IPO13: variants seen among roughly 807,000 people sequenced by gnomAD.
The protein encoded by IPO13 is importin 13.
Under a neutral mutation model 115.5 loss-of-function variants are expected in IPO13, and 28 were observed. The ratio of observed to expected loss-of-function variants is 0.24; its 90% CI spans 0.18 to 0.33. IPO13 has a LOEUF of 0.33. Among genes scored for constraint, IPO13 ranks in the 10% least tolerant of loss-of-function variants. The probability of loss-of-function intolerance (pLI) is 1.00; values close to 1 mark genes in which losing one functional copy is unlikely to be tolerated. For synonymous variants in IPO13, 414 were observed against 478.9 expected (o/e 0.86, Z 1.77); for missense variants, 785 against 1,204.6 (o/e 0.65, Z 5.16).
intron 12 of IPO13, 125 bp from the exon 13 acceptor site, chr1:43,960,751 G>T: frequency 2.4e-6 from 3 of 1,265,758 alleles, no homozygotes; most frequent in Non-Finnish European, 2.2e-6. Flanking sequence ...TACCTTCCTT[G>T]GTTTGCAGGG....
chr1:43,964,372 T>C (rs1418098780), intron 15 of IPO13, 51 bp downstream of exon 15: 1 of 1,408,586 alleles, frequency 7.1e-7, no homozygotes, highest in Non-Finnish European at 9.9e-7. Context: ...TTTCTCTTTC[T>C]CTTATGTTGA....
Position 43,947,496 on chromosome 1 carries a change from C to A in IPO13, c.-105C>A. 1.7e-6 allele frequency: 1 copy of A among 603,054 alleles called. No homozygotes were observed. The highest frequency in any genetic ancestry group is 2.4e-6 in the Non-Finnish European group (1 of 409,834). 37.4% of individuals were successfully genotyped at this position (603,054 alleles called of 1,614,324 possible). ...CCGCCCTGGGCCCCCCCTCACCCCA[C>A]CACTCCCTGGGCACCCAAGCCGGGG... On this transcript the variant is annotated 5_prime_UTR_variant, in exon 1 of 20. Coordinates refer to ENST00000372343, the MANE Select transcript of IPO13 (RefSeq NM_014652.4).
intron 11 of IPO13, among the ~76,000 whole-genome samples, chr1:43,959,612 C>T (rs973355431): frequency 6.6e-6 from 1 of 152,162 alleles, no homozygotes; most frequent in Non-Finnish European, 1.5e-5. Context: ...CCCAGAACTC[C>T]CTCCCAGATT....
At chr1:43,959,089 TCTCA>T in intron 11 of IPO13, among the ~76,000 whole-genome samples, 200 bp downstream of exon 11, 1 of 152,348 alleles carries the variant, frequency 6.6e-6, no homozygotes, top group African/African-American at 2.4e-5. Context: ...AATGTCATTA[TCTCA>T]CTCAGCTCTG....
rs368135294 is a variant in IPO13, at chr1:43,966,709, C to T, written c.2465-15C>T. 3.3e-5 allele frequency: 53 copies of T among 1,614,078 alleles called. No individual in the cohort carries two copies. The African/African-American group carries it at 6.8e-4, about 21-fold the overall frequency. ...GAAGGATCGTTAAACTGATCTGCCT[C>T]TGCCTTTCCCACAGCTGTGCTGGCC... is the stretch of plus-strand genomic sequence containing the variant. On this transcript the variant is annotated splice_polypyrimidine_tract_variant and intron_variant, in intron 16 of 19. Coordinates refer to ENST00000372343, the MANE Select transcript of IPO13 (RefSeq NM_014652.4). This position sits in a 1 kb window ranked among gnomAD's most constrained non-coding sequence, Gnocchi z 4.1.
chr1:43,961,343 C>T, intron 14 of IPO13, 81 bp downstream of exon 14: 6 of 1,045,634 alleles, frequency 5.7e-6, no homozygotes, highest in Non-Finnish European at 9.0e-6. Flanking sequence ...AAGCTGCCCA[C>T]TCTGTTCTTC....
chr1:43,958,445 A>G lies in IPO13; in HGVS notation c.1750-16A>G, dbSNP rs1256284156. The G allele has an allele frequency of 6.2e-7, 1 of 1,613,764 alleles. No homozygotes were observed. ...TAGATGTGGCCAGGACTGACCATCC[A>G]TGTTCTGCCCCACAGACAAGCCAGT... On this transcript the variant is annotated splice_polypyrimidine_tract_variant and intron_variant, in intron 9 of 19. Coordinates refer to ENST00000372343, the MANE Select transcript of IPO13 (RefSeq NM_014652.4). This position sits in a 1 kb window ranked among gnomAD's most constrained non-coding sequence, Gnocchi z 6.3.
At position 43,947,623 on chromosome 1, in the gene IPO13, CG is replaced by C. The variant is rs1440173059; in HGVS notation, c.28del (p.Ala10LeufsTer40). 11 of 1,327,322 alleles carry C rather than the reference CG, an allele frequency of 8.3e-6. No individual in the cohort carries two copies. Among genetic ancestry groups the C allele is most frequent in the South Asian group, 2.1e-5 (1 of 46,626 alleles). 82.2% of individuals were successfully genotyped at this position (1,327,322 alleles called of 1,614,324 possible). A position where few individuals can be genotyped will look rare whatever the true frequency, so the allele number is the denominator to read the frequency against. On this transcript the variant is annotated frameshift_variant, in exon 1 of 20. Coordinates refer to ENST00000372343, the MANE Select transcript of IPO13 (RefSeq NM_014652.4). LOFTEE classifies it high-confidence loss of function. MERREEQ[P>X]GAAGAGAAPA... Reference sequence around the variant, plus strand: ...AAGATGGAGCGGCGGGAGGAGCAGCCGGGGGCTGCAGGGGCTGGAGCAGCAC... The same window carrying C: ...AAGATGGAGCGGCGGGAGGAGCAGCCGGGGCTGCAGGGGCTGGAGCAGCAC...
In IPO13 at chr1:43,961,111, C is replaced by G. The variant is rs190385325; in HGVS notation, c.2248-55C>G. The G allele has an allele frequency of 1.6e-4, 262 of 1,604,792 alleles. 1 individual carries two copies. In the African/African-American group the frequency reaches 2.9e-3, roughly 18 times the overall value. ...CCCCACTTGCATTCCAGGGATATTG[C>G]CATGTCCTGGTGAGACTGGGTCTCA... On this transcript the variant is annotated intron_variant, in intron 13 of 19. Transcript: ENST00000372343.
intron 2 of IPO13, among the ~76,000 whole-genome samples, chr1:43,954,268 G>A (rs2085229089): frequency 1.3e-5 from 2 of 152,204 alleles, no homozygotes; most frequent in Non-Finnish European, 2.9e-5. Flanking sequence ...TCAGGAGACT[G>A]AAGCTATCCC....
chr1:43,956,741 G>A lies in IPO13; in HGVS notation c.1104+40G>A. The A allele has an allele frequency of 6.2e-7, 1 of 1,613,944 alleles. No individual in the cohort carries two copies. The highest frequency in any genetic ancestry group is 8.5e-7 in the Non-Finnish European group (1 of 1,179,808). ...CCTCCAGTAGGACTGGGCTGTGGTG[G>A]AAGAAGGTGGATCATGGGCTTCTAT... On this transcript the variant is annotated intron_variant, in intron 4 of 19. Transcript: ENST00000372343. This position sits in a 1 kb window ranked among gnomAD's most constrained non-coding sequence, Gnocchi z 4.7.
At chr1:43,957,601 C>G in intron 7 of IPO13, 52 bp downstream of exon 7, 1 of 1,600,760 alleles carries the variant, frequency 6.2e-7, no homozygotes, top group Non-Finnish European at 8.5e-7. Context: ...CAGCACCCAA[C>G]CCTGGCCACA....
In IPO13 at chr1:43,958,429, C is replaced by T. The variant is rs1330842543; in HGVS notation, c.1750-32C>T. On this transcript the variant is annotated intron_variant, in intron 9 of 19. Transcript: ENST00000372343. This position sits in a 1 kb window ranked among gnomAD's most constrained non-coding sequence, Gnocchi z 6.3. ...CTTCCTACCCCACAACTAGATGTGG[C>T]CAGGACTGACCATCCATGTTCTGCC... 6.2e-7 allele frequency: 1 copy of T among 1,613,400 alleles called. No individual in the cohort carries two copies. Among genetic ancestry groups the T allele is most frequent in the Non-Finnish European group, 8.5e-7 (1 of 1,179,744 alleles).
rs764691182 is a variant in IPO13, at chr1:43,952,571, A to G, written c.821+2418A>G. On this transcript the variant is annotated intron_variant, in intron 2 of 19. Coordinates refer to ENST00000372343, the MANE Select transcript of IPO13 (RefSeq NM_014652.4). The surrounding 1 kb of genome is among the most constrained non-coding windows in gnomAD (Gnocchi z 4.7). ...AGAAGTAGAACTGGAATCATGCAATAGAAAGTGGGCCTAGTTGTTCAGTGG... is the reference window on the plus strand; with the variant it reads ...AGAAGTAGAACTGGAATCATGCAATGGAAAGTGGGCCTAGTTGTTCAGTGG... 4.8e-4 allele frequency among the ~76,000 whole-genome samples: 73 copies of G among 152,204 alleles called. No individual in the cohort carries two copies. The highest frequency in any genetic ancestry group is 8.2e-4 in the Non-Finnish European group (56 of 68,034).
At chr1:43,962,716 C>T (rs544056703) in intron 14 of IPO13, among the ~76,000 whole-genome samples, 39 of 152,380 alleles carry the variant, frequency 2.6e-4, no homozygotes, top group African/African-American at 8.4e-4. Flanking sequence ...TGCATCACTT[C>T]TCAGAGTAAT....
In IPO13 at chr1:43,958,837, A is replaced by ATC; in HGVS notation, c.1977_1978dup (p.His660LeufsTer34). On this transcript the variant is annotated frameshift_variant, in exon 11 of 20. Coordinates refer to ENST00000372343, the MANE Select transcript of IPO13 (RefSeq NM_014652.4). LOFTEE classifies it high-confidence loss of function. This position sits in a 1 kb window ranked among gnomAD's most constrained non-coding sequence, Gnocchi z 6.3. Reference sequence around the variant, plus strand: ...CTGGACATCAGTCATCATGAGGATGATCATGAAGGCCCTGAGCTTCGGAAG... The same window carrying ATC: ...CTGGACATCAGTCATCATGAGGATGATCTCATGAAGGCCCTGAGCTTCGGAAG... 1 of 1,613,992 alleles carries ATC rather than the reference A, an allele frequency of 6.2e-7. No individual in the cohort carries two copies.
Position 43,967,659 on chromosome 1 carries a change from A to G in IPO13, c.2869A>G (p.Thr957Ala). The stretch of plus-strand genomic sequence containing the variant: ...ACTGCTGTGCCGGGGTCTCCATGGC[A>G]CAGATTACACAGCTGACTACTGAGG... ...FTLLCRGLHG[T>A]DYTADY is the part of the protein sequence containing the mutation. Residue 957 changes from threonine to alanine, a missense_variant, in exon 20 of 20, where the codon ACA (threonine) becomes GCA (alanine). This residue lies in a region of IPO13 where 285 missense variants were observed against 394.8 expected (regional missense o/e 0.72). Coordinates refer to ENST00000372343, the MANE Select transcript of IPO13 (RefSeq NM_014652.4). This position sits in a 1 kb window ranked among gnomAD's most constrained non-coding sequence, Gnocchi z 6.1. 1.9e-6 allele frequency: 3 copies of G among 1,614,154 alleles called. No individual in the cohort carries two copies. In the African/African-American group the frequency reaches 4.0e-5, roughly 22 times the overall value.
intron 2 of IPO13, among the ~76,000 whole-genome samples, chr1:43,950,822 AG>A (rs1388520322): frequency 1.4e-4 from 22 of 152,314 alleles, no homozygotes; most frequent in Non-Finnish European, 2.9e-5. Flanking sequence ...TCATTTCCAT[AG>A]GGAAGTCCTC....
rs1216252583 is a variant in IPO13 at position 43,957,545 on chromosome 1, C to A, written c.1536C>A (p.Thr512=). The A allele has an allele frequency of 2.5e-6, 4 of 1,614,160 alleles. No individual in the cohort carries two copies. In the Admixed American group the frequency reaches 6.7e-5, roughly 27 times the overall value. ...AGCTGGCAGACACTGTCATGTTCACCATTGGTGAGACCTGGCACACACCCA... is the reference window on the plus strand; with the variant it reads ...AGCTGGCAGACACTGTCATGTTCACAATTGGTGAGACCTGGCACACACCCA... ...NVQLADTVMF[T]IGALSEWLAD... is the part of the protein sequence containing the mutation. The change falls in exon 7 of 20, where the codon ACC becomes ACA. Residue 512 remains threonine, a synonymous_variant. Coordinates refer to ENST00000372343, the MANE Select transcript of IPO13 (RefSeq NM_014652.4).
Sources: gnomAD v4.1 joint callset for allele counts (sites outside exome capture counted in the v4.1 genomes callset) on GRCh38, gnomAD v4.1.1 for gene constraint, gnomAD v4.1.1 regional missense constraint, Gnocchi (gnomAD v3.1) non-coding constraint, MANE v1.5 for transcripts, NCBI Gene and HGNC (gene_info 2026-07-23, HGNC 2026-07-21) for gene names.